Variants in TRRAP observed in about 807,000 individuals in gnomAD.
TRRAP encodes transformation/transcription domain associated protein.
In TRRAP, 41 loss-of-function variants were observed where a neutral mutation model predicts 438.8. That is an observed-to-expected ratio of 0.09 (90% CI 0.07 to 0.12). TRRAP has a LOEUF of 0.12. Ranked by LOEUF, TRRAP falls within the 10% of genes least tolerant of loss-of-function variation. TRRAP has a pLI of 1.00. For synonymous variants in TRRAP, 1,994 were observed against 1,962.9 expected (o/e 1.02, Z -0.42); for missense variants, 3,122 against 5,055.1 (o/e 0.62, Z 11.60).
intron 70 of TRRAP, among the ~76,000 whole-genome samples, chr7:99,009,443 T>TTCCA (rs1201199789): frequency 1.3e-5 from 2 of 152,162 alleles, no homozygotes; most frequent in Admixed American, 6.5e-5. Context: ...GCCCGAGGTA[T>TTCCA]TCCAGGCTGC....
Position 98,910,078 on chromosome 7 carries a change from C to A in TRRAP, c.1373C>A (p.Thr458Lys). 2 of 1,551,864 alleles carry A rather than the reference C, an allele frequency of 1.3e-6. No homozygotes were observed. Among genetic ancestry groups the A allele is most frequent in the Non-Finnish European group, 8.7e-7 (1 of 1,150,356 alleles). Residue 458 changes from threonine (T) to lysine (K), a missense_variant, in exon 15 of 73, where the codon ACA (threonine) becomes AAA (lysine). Thr to Lys is a moderately conservative substitution (Grantham distance 78, BLOSUM62 -1). This residue lies in a region of TRRAP where 115 missense variants were observed against 124.6 expected (regional missense o/e 0.92). Coordinates refer to ENST00000456197, the MANE Select transcript of TRRAP (RefSeq NM_001375524.1). Reference sequence around the variant, plus strand: ...TAGGTTTTCGTTCTCAAATTCCACACAATTGCTCGGTACCAGCTCTCTGCC... The same window carrying A: ...TAGGTTTTCGTTCTCAAATTCCACAAAATTGCTCGGTACCAGCTCTCTGCC... ...MLEVFVLKFH[T>K]IARYQLSAIF... is the part of the protein sequence containing the mutation.
At position 98,994,549 on chromosome 7, in the gene TRRAP, G is replaced by A. The variant is rs1404802238; in HGVS notation, c.10048-38G>A. ...TTGGCTGCTGGTTCTGGAGTGGAGGGCTGTGTTTGTCAGTTGTCTCTGGCT... is the reference window on the plus strand; with the variant it reads ...TTGGCTGCTGGTTCTGGAGTGGAGGACTGTGTTTGTCAGTTGTCTCTGGCT... On this transcript the variant is annotated intron_variant, in intron 66 of 72. Coordinates refer to ENST00000456197, the MANE Select transcript of TRRAP (RefSeq NM_001375524.1). This position sits in a 1 kb window ranked among gnomAD's most constrained non-coding sequence, Gnocchi z 4.8. The A allele has an allele frequency of 6.2e-7, 1 of 1,611,458 alleles. No individual in the cohort carries two copies. Among genetic ancestry groups the A allele is most frequent in the South Asian group, 1.1e-5 (1 of 90,940 alleles).
In TRRAP at chr7:99,012,556, G is replaced by A. The variant is rs755071274; in HGVS notation, c.*201G>A. 1.9e-5 allele frequency: 12 copies of A among 646,336 alleles called. No homozygotes were observed. Among genetic ancestry groups the A allele is most frequent in the East Asian group, 2.9e-5 (1 of 34,830 alleles). 40.0% of individuals were successfully genotyped at this position (646,336 alleles called of 1,614,324 possible). On this transcript the variant is annotated 3_prime_UTR_variant, in exon 73 of 73. Coordinates refer to ENST00000456197, the MANE Select transcript of TRRAP (RefSeq NM_001375524.1). The surrounding 1 kb of genome is among the most constrained non-coding windows in gnomAD (Gnocchi z 5.9). ...AAGCTGAACTATGACGATGCTGGGC[G>A]AAGCGGTTGGAAATGGCAGAGCTGA... is the stretch of plus-strand genomic sequence containing the variant.
In TRRAP at chr7:98,881,093, G is replaced by A; in HGVS notation, c.-58G>A. The A allele has an allele frequency of 6.9e-7, 1 of 1,443,416 alleles. No individual in the cohort carries two copies. The highest frequency in any genetic ancestry group is 1.3e-5 in the South Asian group (1 of 78,802). The allele number at this position is 1,443,416 out of a possible 1,614,324, so 89.4% of individuals were successfully genotyped here. ...AACTCTATGCTTCTTTTCATAGGCTGGTTGAACTCATGGACCTGATACTTT... is the reference window on the plus strand; with the variant it reads ...AACTCTATGCTTCTTTTCATAGGCTAGTTGAACTCATGGACCTGATACTTT... On this transcript the variant is annotated 5_prime_UTR_variant, in exon 2 of 73. Transcript: ENST00000456197.
intron 20 of TRRAP, 40 bp from the exon 21 acceptor site, chr7:98,921,713 T>A: frequency 6.2e-7 from 1 of 1,611,142 alleles, no homozygotes; most frequent in Non-Finnish European, 8.5e-7. Flanking sequence ...GTGAAGGCAT[T>A]ACCTTAAGAG....
At chr7:98,915,660 G>T in intron 18 of TRRAP, 63 bp from the exon 19 acceptor site, 1 of 1,550,978 alleles carries the variant, frequency 6.4e-7, no homozygotes, top group Non-Finnish European at 8.7e-7. Context: ...ACACTTTAGA[G>T]TCTGGAGGGT....
Position 98,976,801 on chromosome 7 carries a change from T to C in TRRAP, c.8247+31T>C, listed in dbSNP as rs1257025127. ...GGTGCGCCTCAGTTTGTTAATTACC[T>C]CTTCCCTGCCAGTGACTTCACACTT... On this transcript the variant is annotated intron_variant, in intron 55 of 72. Transcript: ENST00000456197. The surrounding 1 kb of genome is among the most constrained non-coding windows in gnomAD (Gnocchi z 4.6). 6.2e-7 allele frequency: 1 copy of C among 1,606,452 alleles called. No homozygotes were observed. The highest frequency in any genetic ancestry group is 8.5e-7 in the Non-Finnish European group (1 of 1,174,800).
Position 98,976,096 on chromosome 7 carries a change from G to A in TRRAP, c.7840-53G>A. Reference sequence around the variant, plus strand: ...ATGGGTGTCTTCTGAGCGTGGTTGTGCGAGGCACCCCCAGCCCGTGGCCAT... The same window carrying A: ...ATGGGTGTCTTCTGAGCGTGGTTGTACGAGGCACCCCCAGCCCGTGGCCAT... On this transcript the variant is annotated intron_variant, in intron 53 of 72. Coordinates refer to ENST00000456197, the MANE Select transcript of TRRAP (RefSeq NM_001375524.1). The surrounding 1 kb of genome is among the most constrained non-coding windows in gnomAD (Gnocchi z 4.6). 1 of 1,605,082 alleles carries A rather than the reference G, an allele frequency of 6.2e-7. No individual in the cohort carries two copies. The highest frequency in any genetic ancestry group is 8.5e-7 in the Non-Finnish European group (1 of 1,175,184).
At chr7:98,909,019 ATT>A (rs879955419) in intron 14 of TRRAP, 57 bp downstream of exon 14, 44,497 of 1,033,876 alleles carry the variant, frequency 0.043, no homozygotes, top group East Asian at 0.047. Flanking sequence ...TTGTGGCTAA[ATT>A]TTTTTTTTTT....
At chr7:98,950,680 C>G (rs1021878523) in intron 38 of TRRAP, among the ~76,000 whole-genome samples, 196 bp from the exon 39 acceptor site, 3 of 152,152 alleles carry the variant, frequency 2.0e-5, no homozygotes, top group African/African-American at 4.8e-5. Flanking sequence ...ATAAACCAGG[C>G]TGACATCTCT....
At chr7:98,896,012 C>A (rs1179998350) in intron 7 of TRRAP, among the ~76,000 whole-genome samples, 192 bp downstream of exon 7, 1 of 152,074 alleles carries the variant, frequency 6.6e-6, no homozygotes, top group Admixed American at 6.6e-5. Context: ...TTTAGTTTTT[C>A]TGTTTCACTT....
At position 98,976,925 on chromosome 7, in the gene TRRAP, C is replaced by T. The variant is rs1562968289; in HGVS notation, c.8248-14C>T. On this transcript the variant is annotated splice_polypyrimidine_tract_variant and intron_variant, in intron 55 of 72. Transcript: ENST00000456197. This position sits in a 1 kb window ranked among gnomAD's most constrained non-coding sequence, Gnocchi z 4.6. ...CTGTCTCAAGCACTCAGGAACCTTA[C>T]TTTGTGTTTTCAGGAGATACTGGAT... is the stretch of plus-strand genomic sequence containing the variant. 6 of 1,613,952 alleles carry T rather than the reference C, an allele frequency of 3.7e-6. No individual in the cohort carries two copies. In the East Asian group the frequency reaches 1.1e-4, roughly 30 times the overall value.
intron 67 of TRRAP, 152 bp from the exon 68 acceptor site, chr7:99,004,038 A>G: frequency 5.3e-6 from 4 of 760,274 alleles, no homozygotes; most frequent in Non-Finnish European, 8.4e-6. Context: ...GCACCACTGC[A>G]CTCCAGCCAG....
Position 99,007,637 on chromosome 7 carries a change from C to T in TRRAP, c.10754-740C>T, listed in dbSNP as rs536324021. On this transcript the variant is annotated intron_variant, in intron 69 of 72. Coordinates refer to ENST00000456197, the MANE Select transcript of TRRAP (RefSeq NM_001375524.1). The stretch of plus-strand genomic sequence containing the variant: ...GTGCTGGGATTACAGGCGTGAGCCA[C>T]CATGGCCAGCCATGTTTATTCTTAT... Among the ~76,000 whole-genome samples the T allele has an allele frequency of 2.7e-3, 406 of 151,828 alleles. 4 individuals are homozygous for T. Among genetic ancestry groups the T allele is most frequent in the South Asian group, 9.2e-3 (44 of 4,802 alleles).
chr7:98,953,360 G>C lies in TRRAP; in HGVS notation c.5657G>C (p.Cys1886Ser). The change falls in exon 40 of 73, where the codon TGC becomes TCC. Residue 1886 changes from cysteine to serine, a missense_variant. This residue lies in a region of TRRAP where 22 missense variants were observed against 28.8 expected (regional missense o/e 0.76). Coordinates refer to ENST00000456197, the MANE Select transcript of TRRAP (RefSeq NM_001375524.1). Reference protein sequence around the residue: ...LLSKACVDPACKYSGHLLLAH... With the variant: ...LLSKACVDPASKYSGHLLLAH... The stretch of plus-strand genomic sequence containing the variant: ...TCCAAGGCCTGCGTGGACCCAGCCT[G>C]CAAGTACAGCGGACACTTGCTCCTG... 6.2e-7 allele frequency: 1 copy of C among 1,613,824 alleles called. No homozygotes were observed. Among genetic ancestry groups the C allele is most frequent in the Non-Finnish European group, 8.5e-7 (1 of 1,180,040 alleles).
At chr7:98,935,278 A>G (rs1287733895) in intron 27 of TRRAP, among the ~76,000 whole-genome samples, 1 of 151,976 alleles carries the variant, frequency 6.6e-6, no homozygotes, top group African/African-American at 2.4e-5. Context: ...AGATAAAGTA[A>G]CCCCCTGTTT....
Position 98,897,921 on chromosome 7 carries a change from G to A in TRRAP, c.633+55G>A, listed in dbSNP as rs1796295338. 4 of 1,603,976 alleles carry A rather than the reference G, an allele frequency of 2.5e-6. No homozygotes were observed. In the East Asian group the frequency reaches 6.7e-5, roughly 27 times the overall value. On this transcript the variant is annotated intron_variant, in intron 8 of 72. Transcript: ENST00000456197. ...GTGGCTCCTGTAGTTTCGGATACTGGCCTGTTAAACCATTTTTTTTTCTCT... is the reference window on the plus strand; with the variant it reads ...GTGGCTCCTGTAGTTTCGGATACTGACCTGTTAAACCATTTTTTTTTCTCT...
intron 57 of TRRAP, 62 bp downstream of exon 57, chr7:98,978,385 CTG>C: frequency 7.0e-7 from 1 of 1,436,346 alleles, no homozygotes; most frequent in Admixed American, 2.0e-5. Flanking sequence ...GGAAAAATCT[CTG>C]ACCTTTTCTT....
intron 69 of TRRAP, 43 bp from the exon 70 acceptor site, chr7:99,008,334 C>T (rs1794285835): frequency 3.8e-6 from 6 of 1,589,188 alleles, no homozygotes; most frequent in South Asian, 2.3e-5. Context: ...CACTGGCCCG[C>T]GGTCACCCTC....
Sources: gnomAD v4.1 joint callset for allele counts (sites outside exome capture counted in the v4.1 genomes callset) on GRCh38, gnomAD v4.1.1 for gene constraint, gnomAD v4.1.1 regional missense constraint, Gnocchi (gnomAD v3.1) non-coding constraint, MANE v1.5 for transcripts, NCBI Gene and HGNC (gene_info 2026-07-23, HGNC 2026-07-21) for gene names.